Variants in FOXP2 observed in about 807,000 individuals in gnomAD.
FOXP2 encodes forkhead box protein P2.
In FOXP2, 12 loss-of-function variants were observed where a neutral mutation model predicts 115.8. The observed-to-expected ratio is 0.10, with a 90% confidence interval of 0.07 to 0.17. The LOEUF is 0.17. Among genes scored for constraint, FOXP2 ranks in the 10% least tolerant of loss-of-function variants. FOXP2 has a pLI of 1.00. For missense variants in FOXP2, 629 were observed against 843.5 expected, an observed-to-expected ratio of 0.75 and a Z score of 3.15; for synonymous variants, 328 against 297.7, an observed-to-expected ratio of 1.10 and a Z score of -1.05.
At chr7:114,178,149 A>C (rs565458542) in intron 1 of FOXP2, among the ~76,000 whole-genome samples, 1 of 152,062 alleles carries the variant, frequency 6.6e-6, no homozygotes, top group South Asian at 2.1e-4. Context: ...GGGAGAGATG[A>C]AACATTCTTT....
At chr7:114,648,228 C>T (rs1269870899) in intron 8 of FOXP2, among the ~76,000 whole-genome samples, 1 of 152,054 alleles carries the variant, frequency 6.6e-6, no homozygotes, top group Non-Finnish European at 1.5e-5. Flanking sequence ...AGAAGGCATT[C>T]TTTGAACTTG....
At chr7:114,343,785 C>T (rs1160930433) in intron 2 of FOXP2, among the ~76,000 whole-genome samples, 1 of 151,666 alleles carries the variant, frequency 6.6e-6, no homozygotes, top group Non-Finnish European at 1.5e-5. Context: ...CTTAATACAA[C>T]TGCCTGGCCA....
At chr7:114,649,721 A>G (rs531007644) in intron 8 of FOXP2, among the ~76,000 whole-genome samples, 3 of 152,206 alleles carry the variant, frequency 2.0e-5, no homozygotes, top group South Asian at 4.1e-4. Context: ...ATTCTTTTAC[A>G]TATCACTGGT....
At chr7:114,341,678 T>G (rs1791220808) in intron 2 of FOXP2, among the ~76,000 whole-genome samples, 1 of 151,410 alleles carries the variant, frequency 6.6e-6, no homozygotes, top group Non-Finnish European at 1.5e-5. Flanking sequence ...GGAGAACTTC[T>G]TTATATTTTA....
chr7:114,186,782 A>T (rs565751407), intron 1 of FOXP2, among the ~76,000 whole-genome samples: 2 of 152,140 alleles, frequency 1.3e-5, no homozygotes, highest in South Asian at 4.1e-4. Flanking sequence ...CACTGTATAC[A>T]TCTGCAGAGT....
chr7:114,303,221 C>T (rs1365242930), intron 2 of FOXP2, among the ~76,000 whole-genome samples: 2 of 152,066 alleles, frequency 1.3e-5, no homozygotes, highest in African/African-American at 2.4e-5. Context: ...TAACGTGGAA[C>T]TTGAAATGAT....
chr7:114,644,718 T>G lies in FOXP2; in HGVS notation c.1023T>G (p.Thr341=). ...SSHEETGASH[T]LYGHGVCKWP... is the part of the protein sequence containing the mutation. ...ATGAGGAGACTGGGGCCTCTCACAC[T>G]CTCTATGGCCATGGAGTTTGCAAAT... The change falls in exon 8 of 17, where the codon ACT becomes ACG. Residue 341 remains threonine, a synonymous_variant. Coordinates refer to ENST00000350908, the MANE Select transcript of FOXP2 (RefSeq NM_014491.4). The G allele has an allele frequency of 1.9e-6, 3 of 1,613,956 alleles. No homozygotes were observed. In the Middle Eastern group the frequency reaches 4.9e-4, roughly 266 times the overall value.
chr7:114,438,028 A>G (rs915833768), intron 2 of FOXP2, among the ~76,000 whole-genome samples: 2 of 152,214 alleles, frequency 1.3e-5, no homozygotes, highest in Non-Finnish European at 2.9e-5. Context: ...ATATTCTGGA[A>G]TATATTGGGT....
intron 2 of FOXP2, among the ~76,000 whole-genome samples, chr7:114,335,857 A>G (rs941540205): frequency 6.6e-6 from 1 of 151,706 alleles, no homozygotes; most frequent in East Asian, 1.9e-4. Flanking sequence ...TGAGAGTACA[A>G]TAATTTTCTA....
At chr7:114,602,142 C>T (rs1357621122) in intron 3 of FOXP2, among the ~76,000 whole-genome samples, 2 of 151,740 alleles carry the variant, frequency 1.3e-5, no homozygotes, top group African/African-American at 4.8e-5. Flanking sequence ...TAATTTTTTC[C>T]TTTATGTGTT....
At chr7:114,262,721 G>C (rs552519149) in intron 1 of FOXP2, among the ~76,000 whole-genome samples, 1 of 152,140 alleles carries the variant, frequency 6.6e-6, no homozygotes, top group Non-Finnish European at 1.5e-5. Flanking sequence ...TGCAGGTCTA[G>C]TGTAAGGCAA....
chr7:114,625,875 G>A (rs1804545044), intron 3 of FOXP2, among the ~76,000 whole-genome samples: 1 of 151,662 alleles, frequency 6.6e-6, no homozygotes, highest in Non-Finnish European at 1.5e-5. Context: ...ACCCTCAGAA[G>A]TGTACCTGTG....
intron 2 of FOXP2, among the ~76,000 whole-genome samples, chr7:114,355,812 C>A (rs1182978329): frequency 6.6e-6 from 1 of 152,108 alleles, no homozygotes; most frequent in Non-Finnish European, 1.5e-5. Context: ...CATCTTTACC[C>A]ATTAGAAAAA....
chr7:114,628,709 C>A, intron 4 of FOXP2, 32 bp downstream of exon 4: 1 of 1,613,586 alleles, frequency 6.2e-7, no homozygotes. Context: ...GGTGTTCTAG[C>A]ATGACTTAGA....
rs368364157 is a variant in FOXP2, at chr7:114,251,441, C to A, written c.-101-36578C>A. On this transcript the variant is annotated intron_variant, in intron 1 of 17. Coordinates refer to the FOXP2 transcript ENST00000634411. ...TTCCTATCCATGAACATGGAATGTTCTTCCATTTGTTTGTGTCCTCTTTTA... is the reference window on the plus strand; with the variant it reads ...TTCCTATCCATGAACATGGAATGTTATTCCATTTGTTTGTGTCCTCTTTTA... Among the ~76,000 whole-genome samples, 706 of 152,204 alleles carry A rather than the reference C, an allele frequency of 4.6e-3. 9 individuals carry two copies. The highest frequency in any genetic ancestry group is 0.016 in the African/African-American group (666 of 41,532).
At chr7:114,210,892 G>C (rs1794329373) in intron 1 of FOXP2, among the ~76,000 whole-genome samples, 1 of 152,140 alleles carries the variant, frequency 6.6e-6, no homozygotes. Context: ...AATCGATCGG[G>C]GTCCCACTTA....
intron 2 of FOXP2, among the ~76,000 whole-genome samples, chr7:114,522,916 G>A (rs1471827237): frequency 2.0e-5 from 3 of 151,760 alleles, no homozygotes; most frequent in Non-Finnish European, 4.4e-5. Context: ...TGTTACACAG[G>A]CATATATATG....
upstream of FOXP2, among the ~76,000 whole-genome samples, chr7:114,411,919 T>C (rs773663309): frequency 6.6e-6 from 1 of 152,104 alleles, no homozygotes; most frequent in African/African-American, 2.4e-5. Context: ...GCATGGCACA[T>C]AGTAGGTATT....
intron 1 of FOXP2, among the ~76,000 whole-genome samples, chr7:114,193,425 C>G (rs1187407934): frequency 6.6e-6 from 1 of 151,514 alleles, no homozygotes; most frequent in South Asian, 2.1e-4. Context: ...CTAGATAATT[C>G]AATGTATATT....
Sources: gnomAD v4.1 joint callset for allele counts (sites outside exome capture counted in the v4.1 genomes callset) on GRCh38, gnomAD v4.1.1 for gene constraint, MANE v1.5 for transcripts, NCBI Gene and HGNC (gene_info 2026-07-23, HGNC 2026-07-21) for gene names.